Variants in PRKN observed in about 807,000 individuals in gnomAD.
PRKN encodes the protein E3 ubiquitin-protein ligase parkin.
PRKN carries 56 observed loss-of-function variants against 59.5 expected under a neutral mutation model. The ratio of observed to expected loss-of-function variants is 0.94; its 90% CI spans 0.76 to 1.18. PRKN has a LOEUF of 1.18. PRKN is among the 50% of genes most tolerant of loss of function. The pLI is 0.00. For missense variants in PRKN, 657 were observed against 596.4 expected, an observed-to-expected ratio of 1.10 and a Z score of -1.06; for synonymous variants, 250 against 222.1, an observed-to-expected ratio of 1.13 and a Z score of -1.12.
At chr6:162,077,254 T>C (rs987710773) in intron 4 of PRKN, among the ~76,000 whole-genome samples, 6 of 152,148 alleles carry the variant, frequency 3.9e-5, no homozygotes, top group African/African-American at 1.4e-4. Flanking sequence ...AGTAACATGT[T>C]GTCCATGTTT....
In PRKN at chr6:162,056,925, C is replaced by T. The variant is rs1777891909; in HGVS notation, c.535-2751G>A. Among the ~76,000 whole-genome samples the T allele has an allele frequency of 3.3e-5, 5 of 152,130 alleles. No individual in the cohort carries two copies. The South Asian group carries it at 1.0e-3, about 31-fold the overall frequency. ...CACTGGGGGAGGACTCAGAGCCTTG[C>T]CTGCGGTTTCCTCTAAACTCCTCCC... On this transcript the variant is annotated intron_variant, in intron 4 of 11. Transcript: ENST00000366898. This position sits in a 1 kb window ranked among gnomAD's most constrained non-coding sequence, Gnocchi z 4.9.
chr6:161,804,790 T>C (rs1791238245), intron 6 of PRKN, among the ~76,000 whole-genome samples: 1 of 152,208 alleles, frequency 6.6e-6, no homozygotes, highest in Non-Finnish European at 1.5e-5. Context: ...TGGAAACAAA[T>C]TCTAGATTCT....
chr6:162,521,985 G>A (rs1411876633), intron 1 of PRKN, among the ~76,000 whole-genome samples: 1 of 152,210 alleles, frequency 6.6e-6, no homozygotes, highest in African/African-American at 2.4e-5. Flanking sequence ...AACACTTAGT[G>A]AGATTACTTA....
chr6:161,442,763 C>T lies in PRKN; in HGVS notation c.1084-55886G>A, dbSNP rs1789299712. On this transcript the variant is annotated intron_variant, in intron 9 of 11. Coordinates refer to ENST00000366898, the MANE Select transcript of PRKN (RefSeq NM_004562.3). This position sits in a 1 kb window ranked among gnomAD's most constrained non-coding sequence, Gnocchi z 4.6. ...GCTAGAATGCAGCCGTGGAGACGAA[C>T]AGCTTACCGAGAGCCTCTGCCAGGA... is the stretch of plus-strand genomic sequence containing the variant. Among the ~76,000 whole-genome samples, 1 of 152,258 alleles carries T rather than the reference C, an allele frequency of 6.6e-6. No individual in the cohort carries two copies. Among genetic ancestry groups the T allele is most frequent in the African/African-American group, 2.4e-5 (1 of 41,468 alleles).
At chr6:161,934,674 G>C (rs139454678) in intron 6 of PRKN, among the ~76,000 whole-genome samples, 1 of 152,162 alleles carries the variant, frequency 6.6e-6, no homozygotes, top group Non-Finnish European at 1.5e-5. Context: ...CTTTACAATT[G>C]TCTTTATCCT....
At chr6:161,438,515 T>G (rs1789037861) in intron 9 of PRKN, among the ~76,000 whole-genome samples, 1 of 152,068 alleles carries the variant, frequency 6.6e-6, no homozygotes, top group Admixed American at 6.6e-5. Flanking sequence ...TGCGCCCGGC[T>G]GAATTCTGTT....
intron 7 of PRKN, among the ~76,000 whole-genome samples, chr6:161,731,255 T>G (rs1411676981): frequency 6.6e-6 from 1 of 152,242 alleles, no homozygotes; most frequent in Admixed American, 6.5e-5. Flanking sequence ...GACCCATCCA[T>G]GGGTGTGAAG....
intron 3 of PRKN, among the ~76,000 whole-genome samples, chr6:162,216,713 A>T (rs867267852): frequency 1.3e-5 from 2 of 152,132 alleles, no homozygotes; most frequent in South Asian, 4.1e-4. Flanking sequence ...CCACACGGCC[A>T]CACAGCCAGG....
chr6:161,366,171 C>G (rs551764078), intron 10 of PRKN, among the ~76,000 whole-genome samples: 5 of 152,288 alleles, frequency 3.3e-5, no homozygotes, highest in African/African-American at 1.2e-4. Flanking sequence ...GCTCTCTTGC[C>G]TCTTCCACTG....
intron 6 of PRKN, among the ~76,000 whole-genome samples, chr6:161,826,092 GA>G (rs1188745701): frequency 1.3e-5 from 2 of 152,042 alleles, no homozygotes; most frequent in Non-Finnish European, 2.9e-5. Flanking sequence ...CCATCTAACA[GA>G]AATTAAAAAG....
At chr6:161,781,023 T>C (rs1436541455) in intron 7 of PRKN, among the ~76,000 whole-genome samples, 1 of 152,188 alleles carries the variant, frequency 6.6e-6, no homozygotes, top group Non-Finnish European at 1.5e-5. Context: ...CGGAGATACA[T>C]ACTAAAACAT....
At chr6:162,594,269 C>T (rs1283469782) in intron 1 of PRKN, among the ~76,000 whole-genome samples, 1 of 152,228 alleles carries the variant, frequency 6.6e-6, no homozygotes, top group African/African-American at 2.4e-5. Flanking sequence ...GTACAATTAA[C>T]AGTATTTTAT....
At chr6:162,580,994 C>T (rs1368544502) in intron 1 of PRKN, among the ~76,000 whole-genome samples, 2 of 152,182 alleles carry the variant, frequency 1.3e-5, no homozygotes, top group African/African-American at 2.4e-5. Flanking sequence ...ATATCCCAGG[C>T]TCCTCGGGTA....
chr6:161,847,589 T>A (rs1017090667), intron 6 of PRKN, among the ~76,000 whole-genome samples: 3 of 126,876 alleles, frequency 2.4e-5, no homozygotes, highest in Non-Finnish European at 3.3e-5. Context: ...ATTTTAGTCT[T>A]TGCCTTTTTT....
Position 161,413,234 on chromosome 6 carries a change from G to T in PRKN, c.1084-26357C>A, listed in dbSNP as rs971725449. ...GAAACCCACTGTCTCCCGGACACTG[G>T]CCTCCAGGGCACGGTCTGGAGGGTC... On this transcript the variant is annotated intron_variant, in intron 9 of 11. Coordinates refer to ENST00000366898, the MANE Select transcript of PRKN (RefSeq NM_004562.3). This position sits in a 1 kb window ranked among gnomAD's most constrained non-coding sequence, Gnocchi z 4.4. Among the ~76,000 whole-genome samples, 1 of 152,130 alleles carries T rather than the reference G, an allele frequency of 6.6e-6. No individual in the cohort carries two copies. Among genetic ancestry groups the T allele is most frequent in the Admixed American group, 6.5e-5 (1 of 15,274 alleles).
intron 5 of PRKN, among the ~76,000 whole-genome samples, chr6:162,018,501 G>T (rs1388222126): frequency 6.6e-6 from 1 of 152,152 alleles, no homozygotes; most frequent in Non-Finnish European, 1.5e-5. Context: ...TATTTTGCAA[G>T]AAAAGCATGT....
At chr6:162,241,294 C>T (rs1181011155) in intron 3 of PRKN, among the ~76,000 whole-genome samples, 1 of 151,956 alleles carries the variant, frequency 6.6e-6, no homozygotes, top group East Asian at 1.9e-4. Context: ...TAAATAGCAC[C>T]AAATCTTAAG....
intron 6 of PRKN, among the ~76,000 whole-genome samples, chr6:161,861,112 T>C (rs1200499706): frequency 6.6e-6 from 1 of 152,186 alleles, no homozygotes; most frequent in East Asian, 1.9e-4. Flanking sequence ...ATCATTCTAC[T>C]ATAAAGACAC....
chr6:162,039,110 C>T (rs914985572), intron 5 of PRKN, among the ~76,000 whole-genome samples: 4 of 151,352 alleles, frequency 2.6e-5, no homozygotes, highest in African/African-American at 4.9e-5. Flanking sequence ...GAGCAGAGAT[C>T]GCGCCACTGC....
Sources: allele counts gnomAD v4.1 joint callset (sites outside exome capture counted in the v4.1 genomes callset), GRCh38; gene constraint gnomAD v4.1.1; non-coding constraint Gnocchi (gnomAD v3.1); transcripts MANE v1.5; gene names NCBI Gene and HGNC (gene_info 2026-07-23, HGNC 2026-07-21).